Variants in CASS4 observed in about 807,000 individuals in gnomAD.
CASS4 encodes cas scaffolding protein family member 4.
A neutral mutation model predicts 54.2 loss-of-function variants in CASS4; 22 were observed. That is an observed-to-expected ratio of 0.41 (90% CI 0.29 to 0.58). CASS4 has a LOEUF of 0.58. Ranked by LOEUF, CASS4 falls within the 20% of genes least tolerant of loss-of-function variation. CASS4 has a pLI of 0.36. For missense variants in CASS4, 854 were observed against 986.7 expected (o/e 0.87, Z 1.80); for synonymous variants, 409 against 391.5 (o/e 1.04, Z -0.53).
chr20:56,442,706 G>C (rs908989756), intron 2 of CASS4, among the ~76,000 whole-genome samples: 1 of 151,642 alleles, frequency 6.6e-6, no homozygotes, highest in Non-Finnish European at 1.5e-5. Flanking sequence ...TTTGATTTCA[G>C]TTTAAATTCA....
intron 1 of CASS4, among the ~76,000 whole-genome samples, chr20:56,420,599 T>C (rs1979367415): frequency 6.7e-6 from 1 of 150,284 alleles, no homozygotes. Context: ...CTCCCTATAT[T>C]GCCCAGGCTT....
At chr20:56,443,166 AG>A (rs1377850204) in intron 2 of CASS4, among the ~76,000 whole-genome samples, 1 of 151,188 alleles carries the variant, frequency 6.6e-6, no homozygotes, top group African/African-American at 2.5e-5. Context: ...GCGGGTGCAT[AG>A]CTTGTCAGAC....
chr20:56,452,988 A>G lies in CASS4; in HGVS notation c.1812A>G (p.Ala604=), dbSNP rs750712364. The change falls in exon 5 of 6, where the codon GCA becomes GCG. Residue 604 remains alanine, a synonymous_variant. Coordinates refer to ENST00000679887, the MANE Select transcript of CASS4 (RefSeq NM_020356.4). ...KEETVQLTPN[A]EFKCEKYIQP... ...AGACTGTGCAGTTGACCCCAAATGC[A>G]GAATTTAAGTGTGAAAAATACATCC... 1.2e-6 allele frequency: 2 copies of G among 1,614,174 alleles called. No individual in the cohort carries two copies.
At chr20:56,432,275 T>C (rs6099143) in intron 1 of CASS4, among the ~76,000 whole-genome samples, 71 of 152,246 alleles carry the variant, frequency 4.7e-4, no homozygotes, top group African/African-American at 1.7e-3. Flanking sequence ...TTTCAGATTA[T>C]TGTTTTTTAC....
At chr20:56,444,880 G>C (rs1221084705) in intron 2 of CASS4, among the ~76,000 whole-genome samples, 1 of 152,218 alleles carries the variant, frequency 6.6e-6, no homozygotes. Flanking sequence ...GGAGGCCAAT[G>C]TGGGCAGATC....
At chr20:56,438,953 G>A (rs1011219017) in intron 2 of CASS4, among the ~76,000 whole-genome samples, 17 of 152,232 alleles carry the variant, frequency 1.1e-4, no homozygotes, top group African/African-American at 3.9e-4. Context: ...AGAAGAACAT[G>A]CTCCAGGCAT....
intron 3 of CASS4, among the ~76,000 whole-genome samples, chr20:56,446,221 A>T (rs2146289867): frequency 6.6e-6 from 1 of 152,288 alleles, no homozygotes; most frequent in African/African-American, 2.4e-5. Flanking sequence ...AGTTCTGAAT[A>T]TTTTGAAATT....
chr20:56,431,371 C>T (rs144838825), intron 1 of CASS4, among the ~76,000 whole-genome samples: 152 of 152,308 alleles, frequency 1.0e-3, no homozygotes, highest in African/African-American at 3.4e-3. Context: ...GCTACTGAAA[C>T]GCTGAGGCAT....
rs142769327 is a variant in CASS4, at chr20:56,437,441, G to A, written c.314G>A (p.Arg105His). The change falls in exon 2 of 6, where the codon CGC becomes CAC. Residue 105 changes from arginine (R) to histidine (H), a missense_variant. By Grantham distance (29) the Arg-to-His change is conservative. Transcript: ENST00000679887. The surrounding 1 kb of genome is among the most constrained non-coding windows in gnomAD (Gnocchi z 4.7). ...EETYQVPTLPRPPTPGPVYEQ... is the reference protein window; with the variant it reads ...EETYQVPTLPHPPTPGPVYEQ... ...ACCTATCAGGTGCCCACTCTACCCC[G>A]CCCTCCCACTCCAGGCCCCGTTTAT... 8.8e-5 allele frequency: 142 copies of A among 1,613,574 alleles called. No individual in the cohort carries two copies. Among genetic ancestry groups the A allele is most frequent in the Non-Finnish European group, 1.2e-4 (138 of 1,179,810 alleles).
intron 1 of CASS4, among the ~76,000 whole-genome samples, chr20:56,435,238 G>C (rs763423641): frequency 6.6e-6 from 1 of 152,188 alleles, no homozygotes; most frequent in African/African-American, 2.4e-5. Flanking sequence ...TAACAGAATA[G>C]AGATATTAGG....
intron 1 of CASS4, among the ~76,000 whole-genome samples, chr20:56,420,712 G>C (rs1017006406): frequency 5.3e-5 from 8 of 151,996 alleles, no homozygotes; most frequent in Non-Finnish European, 1.2e-4. Context: ...AAAAGTGAGA[G>C]TCTCCCCACG....
Position 56,453,071 on chromosome 20 carries a change from G to A in CASS4, c.1895G>A (p.Arg632Lys), listed in dbSNP as rs564566023. The A allele has an allele frequency of 3.2e-5, 51 of 1,614,062 alleles. No homozygotes were observed. In the South Asian group the frequency reaches 4.9e-4, roughly 16 times the overall value. The change falls in exon 5 of 6, where the codon AGG becomes AAG. Residue 632 changes from arginine (R) to lysine (K), a missense_variant. Arg to Lys is a conservative substitution (Grantham distance 26). Transcript: ENST00000679887. ...HQKSTPSTKQREDEHSSELLK... is the reference protein window; with the variant it reads ...HQKSTPSTKQKEDEHSSELLK... Reference sequence around the variant, plus strand: ...AAGAGTACCCCTTCCACTAAGCAAAGGGAAGATGAACACTCTTCTGAACTA... The same window carrying A: ...AAGAGTACCCCTTCCACTAAGCAAAAGGAAGATGAACACTCTTCTGAACTA...
At position 56,458,620 on chromosome 20, in the gene CASS4, A is replaced by AG; in HGVS notation, c.2236dup (p.Asp746GlyfsTer7). The AG allele has an allele frequency of 6.2e-7, 1 of 1,613,936 alleles. No individual in the cohort carries two copies. Among genetic ancestry groups the AG allele is most frequent in the Non-Finnish European group, 8.5e-7 (1 of 1,179,978 alleles). ...AGCAGTCACCTCTGCAGCCTGCTCAAGGACGTAGCGCTGGCCACTAAGAAT... is the reference window on the plus strand; with the variant it reads ...AGCAGTCACCTCTGCAGCCTGCTCAAGGGACGTAGCGCTGGCCACTAAGAAT... On this transcript the variant is annotated frameshift_variant, in exon 6 of 6. Transcript: ENST00000679887. LOFTEE classifies it high-confidence loss of function.
chr20:56,452,518 C>A lies in CASS4; in HGVS notation c.1342C>A (p.Gln448Lys). Residue 448 changes from glutamine (Q) to lysine (K), a missense_variant, in exon 5 of 6, where the codon CAG (glutamine) becomes AAG (lysine). Coordinates refer to ENST00000679887, the MANE Select transcript of CASS4 (RefSeq NM_020356.4). The part of the protein sequence containing the change: ...DVAKETVMAL[Q>K]HKVVSSVAGL... ...GGCCAAGGAGACAGTGATGGCTCTG[C>A]AGCACAAGGTGGTCAGCTCTGTCGC... is the stretch of plus-strand genomic sequence containing the variant. 1.2e-6 allele frequency: 2 copies of A among 1,613,934 alleles called. No homozygotes were observed. The highest frequency in any genetic ancestry group is 3.3e-5 in the Admixed American group (2 of 59,996).
intron 1 of CASS4, among the ~76,000 whole-genome samples, chr20:56,425,968 C>T (rs1292302465): frequency 3.3e-5 from 5 of 152,174 alleles, no homozygotes; most frequent in Non-Finnish European, 7.3e-5. Flanking sequence ...GAGATTGTCC[C>T]GTTTCCATTG....
At chr20:56,454,570 G>C (rs1395988939) in intron 5 of CASS4, among the ~76,000 whole-genome samples, 1 of 152,184 alleles carries the variant, frequency 6.6e-6, no homozygotes, top group Admixed American at 6.5e-5. Flanking sequence ...ATATGAGAAA[G>C]AATGCTCAAG....
At chr20:56,424,486 A>C (rs1464129814) in intron 1 of CASS4, among the ~76,000 whole-genome samples, 1 of 152,186 alleles carries the variant, frequency 6.6e-6, no homozygotes, top group Non-Finnish European at 1.5e-5. Flanking sequence ...CACGCCTGTA[A>C]TCCTAGCACT....
At chr20:56,440,240 C>T (rs891236207) in intron 2 of CASS4, among the ~76,000 whole-genome samples, 2 of 152,160 alleles carry the variant, frequency 1.3e-5, no homozygotes, top group Non-Finnish European at 2.9e-5. Flanking sequence ...CAACTGGCCC[C>T]GATCTAGGCC....
chr20:56,431,975 C>T (rs1332384978), intron 1 of CASS4, among the ~76,000 whole-genome samples: 1 of 152,160 alleles, frequency 6.6e-6, no homozygotes, highest in Non-Finnish European at 1.5e-5. Context: ...TTATGACTCT[C>T]ATGCAAATAT....
Sources: allele counts gnomAD v4.1 joint callset (sites outside exome capture counted in the v4.1 genomes callset), GRCh38; gene constraint gnomAD v4.1.1; non-coding constraint Gnocchi (gnomAD v3.1); transcripts MANE v1.5; gene names NCBI Gene and HGNC (gene_info 2026-07-23, HGNC 2026-07-21).